ZNF577: variants seen among roughly 807,000 people sequenced by gnomAD.
The protein encoded by ZNF577 is zinc finger protein 577.
A neutral mutation model predicts 13.9 loss-of-function variants in ZNF577; 14 were observed. The observed-to-expected ratio is 1.00, with a 90% CI of 0.66 to 1.57. The LOEUF is 1.57. Among genes scored for constraint, ZNF577 ranks in the 40% most tolerant of loss-of-function variants. ZNF577 has a pLI of 0.00. For synonymous variants in ZNF577, 203 were observed against 202.9 expected, an observed-to-expected ratio of 1.00 and a Z score of 0.00; for missense variants, 555 against 579.2, an observed-to-expected ratio of 0.96 and a Z score of 0.43.
chr19:51,841,650 G>C (rs1053998753), intron 8 of ZNF577, among the ~76,000 whole-genome samples: 16 of 152,286 alleles, frequency 1.1e-4, no homozygotes, highest in Admixed American at 9.2e-4. Context: ...CCGATGCGGT[G>C]GCTCATGCCT....
chr19:51,873,780 A>G, intron 5 of ZNF577, 74 bp from the exon 6 acceptor site: 1 of 1,123,764 alleles, frequency 8.9e-7, no homozygotes, highest in Non-Finnish European at 1.2e-6. Context: ...CAATGCTCTT[A>G]CATAAACCAA....
intron 3 of ZNF577, among the ~76,000 whole-genome samples, chr19:51,879,213 C>T (rs182391032): frequency 6.0e-5 from 9 of 150,282 alleles, no homozygotes; most frequent in South Asian, 2.1e-4. Flanking sequence ...GCCAAGATTG[C>T]GCCACTGCAC....
At chr19:51,804,565 A>G (rs996938643), downstream of ZNF577, among the ~76,000 whole-genome samples, 9 of 152,220 alleles carry the variant, frequency 5.9e-5, no homozygotes, top group Non-Finnish European at 1.3e-4. Context: ...AAGGATAAAA[A>G]GGCACTGATT....
rs202077394 is a variant in ZNF577, at chr19:51,878,421, A to G, written c.155T>C (p.Met52Thr). ...QSQKVLYKEV[M>T]LENYINLVSI... The stretch of plus-strand genomic sequence containing the variant: ...TACTAGGTTGATGTAGTTCTCCAAC[A>G]TTACTTCCTTGTACAAGACCTTCTG... Residue 52 changes from methionine to threonine, a missense_variant, in exon 4 of 6, where the codon ATG becomes ACG. Transcript: ENST00000638348. 2.1e-5 allele frequency: 34 copies of G among 1,614,138 alleles called. No individual in the cohort carries two copies. Among genetic ancestry groups the G allele is most frequent in the Non-Finnish European group, 2.8e-5 (33 of 1,180,000 alleles).
In ZNF577 at chr19:51,828,429, G is replaced by A. The variant is rs1373995784; in HGVS notation, c.*599+11464C>T. 2.6e-5 allele frequency among the ~76,000 whole-genome samples: 4 copies of A among 151,878 alleles called. No individual in the cohort carries two copies. The East Asian group carries it at 7.7e-4, about 29-fold the overall frequency. On this transcript the variant is annotated intron_variant and NMD_transcript_variant, in intron 9 of 10. Transcript: ENST00000638827. ...TAAAAAGGCACAAGGACAAAACCTA[G>A]ATAGGAGAGCCAGGGCTTCCAGATG...
chr19:51,823,728 A>G (rs771642655), intron 9 of ZNF577: 2 of 1,547,280 alleles, frequency 1.3e-6, no homozygotes, highest in Admixed American at 2.0e-5. Flanking sequence ...GCCATTGCTG[A>G]AATGTTTCAG....
chr19:51,806,156 T>C (rs1034182803), intron 10 of ZNF577, among the ~76,000 whole-genome samples: 2 of 152,170 alleles, frequency 1.3e-5, no homozygotes, highest in African/African-American at 4.8e-5. Flanking sequence ...CCAGTCGGCC[T>C]TCTCTCCATC....
At chr19:51,867,021 AAAAG>A (rs1392825198), downstream of ZNF577, among the ~76,000 whole-genome samples, 11 of 152,174 alleles carry the variant, frequency 7.2e-5, no homozygotes, top group South Asian at 2.1e-4. Context: ...AAGAAGAAAG[AAAAG>A]AAAGAATCAG....
chr19:51,823,937 T>A, intron 9 of ZNF577: 1 of 1,614,130 alleles, frequency 6.2e-7, no homozygotes, highest in Non-Finnish European at 8.5e-7. Flanking sequence ...ACACCATCTG[T>A]TACCTGAACC....
intron 10 of ZNF577, among the ~76,000 whole-genome samples, chr19:51,807,014 G>A (rs890222494): frequency 5.3e-5 from 8 of 152,204 alleles, no homozygotes; most frequent in African/African-American, 1.7e-4. Flanking sequence ...TCTGTAACCT[G>A]TCTTTATGGT....
At position 51,848,342 on chromosome 19, in the gene ZNF577, G is replaced by T. The variant is rs189977619; in HGVS notation, c.284-3411C>A. On this transcript the variant is annotated intron_variant and NMD_transcript_variant, in intron 5 of 10. Transcript: ENST00000638827. Reference sequence around the variant, plus strand: ...GGGTCCCTAGGGGAAAGAAGGGAGGGAGAATTAGGAAGCTTGTACAGCTAA... The same window carrying T: ...GGGTCCCTAGGGGAAAGAAGGGAGGTAGAATTAGGAAGCTTGTACAGCTAA... Among the ~76,000 whole-genome samples, 1,483 of 152,324 alleles carry T rather than the reference G, an allele frequency of 9.7e-3. 30 individuals are homozygous for T. The highest frequency in any genetic ancestry group is 0.033 in the African/African-American group (1,365 of 41,578).
intron 9 of ZNF577, among the ~76,000 whole-genome samples, chr19:51,821,029 A>C (rs2084184560): frequency 6.6e-6 from 1 of 152,158 alleles, no homozygotes; most frequent in African/African-American, 2.4e-5. Flanking sequence ...TGAGCTTCAA[A>C]AGGCACGACC....
At chr19:51,814,284 T>C (rs920216600) in intron 9 of ZNF577, among the ~76,000 whole-genome samples, 2 of 152,196 alleles carry the variant, frequency 1.3e-5, no homozygotes, top group African/African-American at 4.8e-5. Context: ...TCTCCTCCGA[T>C]TTAGACCTTT....
chr19:51,816,136 C>T (rs2084135297), intron 9 of ZNF577, among the ~76,000 whole-genome samples: 1 of 152,002 alleles, frequency 6.6e-6, no homozygotes, highest in South Asian at 2.1e-4. Flanking sequence ...AAAGAGGTGC[C>T]GGAAGGCTGA....
At chr19:51,835,951 C>T (rs1299269140) in intron 9 of ZNF577, among the ~76,000 whole-genome samples, 1 of 152,160 alleles carries the variant, frequency 6.6e-6, no homozygotes, top group African/African-American at 2.4e-5. Flanking sequence ...CCTTGGCCTC[C>T]CAAAGTGCTG....
Position 51,872,319 on chromosome 19 carries a change from AAT to A in ZNF577, c.*211_*212del, listed in dbSNP as rs1183148833. On this transcript the variant is annotated 3_prime_UTR_variant, in exon 6 of 6. Coordinates refer to ENST00000638348, the MANE Select transcript of ZNF577 (RefSeq NM_001370449.1). ...TTCCTGTAAGAATTCTTTTGATACC[AAT>A]TGAGATATCATCTCCAGGTAAAGAC... 2.4e-5 allele frequency: 11 copies of A among 467,952 alleles called. No homozygotes were observed. Among genetic ancestry groups the A allele is most frequent in the Non-Finnish European group, 3.8e-5 (10 of 265,486 alleles). 29.0% of individuals were successfully genotyped at this position (467,952 alleles called of 1,614,324 possible).
rs1459480251 is a variant in ZNF577 at position 51,867,848 on chromosome 19, C to T, written c.*4684G>A. On this transcript the variant is annotated 3_prime_UTR_variant, in exon 6 of 6. Transcript: ENST00000638348. ...GAACAAAGCTAGGGTTGGAAAAAGCCCTCAGAGGTCAGACTAATCAGCACC... is the reference window on the plus strand; with the variant it reads ...GAACAAAGCTAGGGTTGGAAAAAGCTCTCAGAGGTCAGACTAATCAGCACC... Among the ~76,000 whole-genome samples, 1 of 151,998 alleles carries T rather than the reference C, an allele frequency of 6.6e-6. No individual in the cohort carries two copies. Among genetic ancestry groups the T allele is most frequent in the Non-Finnish European group, 1.5e-5 (1 of 67,994 alleles).
chr19:51,875,292 G>A (rs1227937908), intron 5 of ZNF577, among the ~76,000 whole-genome samples: 2 of 151,224 alleles, frequency 1.3e-5, no homozygotes, highest in Admixed American at 1.3e-4. Context: ...GAACCTGGGT[G>A]GCAGAGGTTG....
intron 5 of ZNF577, among the ~76,000 whole-genome samples, chr19:51,874,593 G>T (rs1402232209): frequency 7.2e-5 from 11 of 152,128 alleles, no homozygotes; most frequent in Admixed American, 7.2e-4. Flanking sequence ...AAAACATGAA[G>T]ATTTTGGAGG....
Sources: allele counts gnomAD v4.1 joint callset (sites outside exome capture counted in the v4.1 genomes callset), GRCh38; gene constraint gnomAD v4.1.1; transcripts MANE v1.5; gene names NCBI Gene and HGNC (gene_info 2026-07-23, HGNC 2026-07-21).